Variants in RNF128 observed in about 807,000 individuals in gnomAD.
The protein encoded by RNF128 is E3 ubiquitin-protein ligase RNF128.
Under a neutral mutation model 26.2 loss-of-function variants are expected in RNF128, and 13 were observed. That is an observed-to-expected ratio of 0.50 (90% CI 0.32 to 0.79). The LOEUF (loss-of-function observed/expected upper bound fraction) is 0.79. Ranked by LOEUF, RNF128 falls within the 30% of genes least tolerant of loss-of-function variation. RNF128 has a pLI of 0.03. For missense variants in RNF128, 315 were observed against 349.7 expected (o/e 0.90, Z 0.79); for synonymous variants, 149 against 142.5 (o/e 1.05, Z -0.32).
intron 6 of RNF128, among the ~76,000 whole-genome samples, chrX:106,793,851 G>A (rs1930869737): frequency 9.0e-6 from 1 of 111,225 alleles, no homozygotes; most frequent in Non-Finnish European, 1.9e-5. Flanking sequence ...TGTCTTATTA[G>A]TGATGATTCA....
chrX:106,726,160 C>T (rs1231811330), upstream of RNF128, among the ~76,000 whole-genome samples: 1 of 111,637 alleles, frequency 9.0e-6, no homozygotes, highest in African/African-American at 3.3e-5. Context: ...CCTAGGGTAA[C>T]GGTGAGGAAA....
exon 1 of RNF128, chrX:106,694,089 T>C: frequency 8.3e-7 from 1 of 1,207,833 alleles, no homozygotes; most frequent in Non-Finnish European, 1.1e-6. Flanking sequence ...TTTCAATGAG[T>C]GCCTATGTGA....
At chrX:106,722,407 C>A (rs777279629), upstream of RNF128, among the ~76,000 whole-genome samples, 10 of 111,186 alleles carry the variant, frequency 9.0e-5, no homozygotes, top group Non-Finnish European at 1.3e-4. Flanking sequence ...CTGGGTGGAA[C>A]CTGTGATTCT....
intron 1 of RNF128, among the ~76,000 whole-genome samples, chrX:106,740,286 T>A (rs1241748625): frequency 9.0e-5 from 7 of 78,209 alleles, no homozygotes; most frequent in Non-Finnish European, 1.6e-4. Context: ...TAAATGTCAA[T>A]TTAGGTAGGG....
At chrX:106,754,202 A>G (rs1430175350) in intron 1 of RNF128, among the ~76,000 whole-genome samples, 1 of 111,160 alleles carries the variant, frequency 9.0e-6, no homozygotes, top group Non-Finnish European at 1.9e-5. Flanking sequence ...ATGTTAAGTC[A>G]TAAAACAAAT....
intron 1 of RNF128, among the ~76,000 whole-genome samples, chrX:106,743,560 T>C (rs1450894175): frequency 8.9e-6 from 1 of 112,553 alleles, no homozygotes; most frequent in African/African-American, 3.2e-5. Flanking sequence ...AAAGAATTCA[T>C]TGATATTGTT....
At chrX:106,741,964 G>A (rs1021293906) in intron 1 of RNF128, among the ~76,000 whole-genome samples, 3 of 111,684 alleles carry the variant, frequency 2.7e-5, no homozygotes, top group African/African-American at 9.8e-5. Context: ...ATTTTATTCC[G>A]TAGGTGAAAT....
At chrX:106,776,623 C>T (rs985341014) in intron 2 of RNF128, among the ~76,000 whole-genome samples, 1 of 111,665 alleles carries the variant, frequency 9.0e-6, no homozygotes, top group African/African-American at 3.3e-5. Context: ...AAAGTGATCC[C>T]CAAGTAGCCA....
chrX:106,755,079 A>G (rs1046041161), intron 1 of RNF128, among the ~76,000 whole-genome samples: 1 of 112,210 alleles, frequency 8.9e-6, no homozygotes, highest in African/African-American at 3.2e-5. Context: ...AATGGGACAT[A>G]CAACCAATAC....
At chrX:106,715,800 T>C (rs183919378) in intron 1 of RNF128, among the ~76,000 whole-genome samples, 1 of 111,738 alleles carries the variant, frequency 8.9e-6, no homozygotes, top group East Asian at 2.8e-4. Context: ...GTTGTATACC[T>C]ACCTGGACAG....
chrX:106,730,052 T>C (rs184074962), intron 1 of RNF128, among the ~76,000 whole-genome samples: 106 of 112,163 alleles, frequency 9.5e-4, no homozygotes, highest in African/African-American at 3.3e-3. Flanking sequence ...CTCACTCTCA[T>C]AGGGGCCTGC....
chrX:106,794,403 C>A (rs905805978), intron 6 of RNF128, among the ~76,000 whole-genome samples: 4 of 111,291 alleles, frequency 3.6e-5, no homozygotes, highest in African/African-American at 1.3e-4. Context: ...CTTAAGTCTT[C>A]ATTTTCATAC....
chrX:106,703,936 G>A (rs191461226), intron 1 of RNF128, among the ~76,000 whole-genome samples: 32 of 110,566 alleles, frequency 2.9e-4, no homozygotes, highest in African/African-American at 9.5e-4. Context: ...AAAAATTCCT[G>A]AAGTTAAACC....
In RNF128 at chrX:106,727,324, G is replaced by C. The variant is rs148223909; in HGVS notation, c.411G>C (p.Glu137Asp). 3.6e-5 allele frequency: 43 copies of C among 1,209,892 alleles called. No homozygotes were observed. The highest frequency in any genetic ancestry group is 4.5e-5 in the Non-Finnish European group (40 of 895,120). ...TFADKIHLAY[E>D]RGASGAVIFN... ...CAGACAAGATCCATCTGGCTTATGA[G>C]AGAGGGGCGTCTGGAGCCGTCATCT... Residue 137 changes from glutamate to aspartate, a missense_variant, in exon 1 of 7, where the codon GAG (glutamate) becomes GAC (aspartate). Coordinates refer to ENST00000255499, the MANE Select transcript of RNF128 (RefSeq NM_194463.2).
intron 2 of RNF128, among the ~76,000 whole-genome samples, chrX:106,775,992 A>G (rs1256716317): frequency 8.9e-6 from 1 of 112,536 alleles, no homozygotes; most frequent in Admixed American, 9.4e-5. Context: ...ATGTGTAAGA[A>G]CACATATCAT....
intron 1 of RNF128, among the ~76,000 whole-genome samples, chrX:106,738,250 C>T (rs879253655): frequency 9.0e-6 from 1 of 110,966 alleles, no homozygotes; most frequent in Non-Finnish European, 1.9e-5. Context: ...TCTTGTTCAT[C>T]AAAAGGGGGA....
At chrX:106,711,532 T>G (rs1363868106) in intron 1 of RNF128, among the ~76,000 whole-genome samples, 1 of 111,286 alleles carries the variant, frequency 9.0e-6, no homozygotes, top group Admixed American at 9.6e-5. Flanking sequence ...ATAGTTAGAG[T>G]GCAATTCCTT....
intron 1 of RNF128, among the ~76,000 whole-genome samples, chrX:106,709,672 G>A (rs192339069): frequency 8.1e-5 from 9 of 110,599 alleles, no homozygotes; most frequent in African/African-American, 3.0e-4. Flanking sequence ...TCAGCCTCCC[G>A]AGTAGCTGGG....
Position 106,727,066 on chromosome X carries a change from G to A in RNF128, c.153G>A (p.Trp51Ter). The A allele has an allele frequency of 8.3e-7, 1 of 1,204,358 alleles. No homozygotes were observed. The highest frequency in any genetic ancestry group is 1.1e-6 in the Non-Finnish European group (1 of 891,944). ...AVWTAYLNVSWRVPHTGVNRT... is the reference protein window; with the variant it reads ...AVWTAYLNVS ...GGACCGCGTACCTCAACGTGTCCTG[G>A]CGGGTTCCGCACACGGGAGTGAACC... is the stretch of plus-strand genomic sequence containing the variant. The change falls in exon 1 of 7, where the codon TGG becomes TGA. Residue 51 changes from tryptophan (W) to a stop codon, truncating the protein, a stop_gained. Transcript: ENST00000255499. LOFTEE classifies it high-confidence loss of function.
Sources: allele counts gnomAD v4.1 joint callset (sites outside exome capture counted in the v4.1 genomes callset), GRCh38; gene constraint gnomAD v4.1.1; transcripts MANE v1.5; gene names NCBI Gene and HGNC (gene_info 2026-07-23, HGNC 2026-07-21).